THOC5: variants seen among roughly 807,000 people sequenced by gnomAD.
THOC5 encodes the protein Fms-interacting protein.
A neutral mutation model predicts 92.9 loss-of-function variants in THOC5; 43 were observed. The ratio of observed to expected loss-of-function variants is 0.46; its 90% CI spans 0.36 to 0.60. The LOEUF is 0.60. Among genes scored for constraint, THOC5 ranks in the 20% least tolerant of loss-of-function variants. THOC5 has a pLI of 0.00. For missense variants in THOC5, 659 were observed against 849.4 expected, an observed-to-expected ratio of 0.78 and a Z score of 2.79; for synonymous variants, 296 against 320.1, an observed-to-expected ratio of 0.92 and a Z score of 0.80.
chr22:29,552,736 G>C (rs1292280096), intron 1 of THOC5, among the ~76,000 whole-genome samples: 11 of 152,190 alleles, frequency 7.2e-5, no homozygotes, highest in Admixed American at 1.3e-4. Flanking sequence ...CCGTCTGGGA[G>C]GTGTACCCAA....
At chr22:29,517,234 T>G in intron 16 of THOC5, 29 bp downstream of exon 16, 1 of 1,609,634 alleles carries the variant, frequency 6.2e-7, no homozygotes, top group Non-Finnish European at 8.5e-7. Context: ...CTCAGGACAG[T>G]AAGGGTAACT....
At chr22:29,544,654 G>T in intron 2 of THOC5, 51 bp from the exon 3 acceptor site, 1 of 1,476,796 alleles carries the variant, frequency 6.8e-7, no homozygotes. Context: ...AAGTCTCCCT[G>T]CTGGGATCAG....
chr22:29,542,936 G>C lies in THOC5; in HGVS notation c.375C>G (p.Ala125=), dbSNP rs2063929624. 6.2e-7 allele frequency: 1 copy of C among 1,612,604 alleles called. No individual in the cohort carries two copies. Among genetic ancestry groups the C allele is most frequent in the Non-Finnish European group, 8.5e-7 (1 of 1,179,276 alleles). Residue 125 remains alanine, a synonymous_variant, in exon 5 of 20, where the codon GCC becomes GCG. Coordinates refer to ENST00000490103, the MANE Select transcript of THOC5 (RefSeq NM_003678.5). The part of the protein sequence containing the change: ...QTHEAKQKVD[A]YHLQLQNLLY... The stretch of plus-strand genomic sequence containing the variant: ...ACAGGTTCTGGAGCTGCAGATGATA[G>C]GCATCTACTTTCTGCTTAGCCTGAA...
At position 29,544,391 on chromosome 22, in the gene THOC5, G is replaced by C. The variant is rs2063968461; in HGVS notation, c.240+69C>G. The C allele has an allele frequency of 2.0e-6, 3 of 1,526,138 alleles. No homozygotes were observed. The African/African-American group carries it at 4.1e-5, about 21-fold the overall frequency. 94.5% of individuals were successfully genotyped at this position (1,526,138 alleles called of 1,614,324 possible). ...GAAGATCAAGATCAGGAAGGGCCCTGGTAGGTGCAAAAACAGCCTCATCTA... is the reference window on the plus strand; with the variant it reads ...GAAGATCAAGATCAGGAAGGGCCCTCGTAGGTGCAAAAACAGCCTCATCTA... On this transcript the variant is annotated intron_variant, in intron 3 of 19. Coordinates refer to ENST00000490103, the MANE Select transcript of THOC5 (RefSeq NM_003678.5).
intron 2 of THOC5, among the ~76,000 whole-genome samples, chr22:29,548,030 C>A (rs920502171): frequency 2.0e-5 from 3 of 152,178 alleles, no homozygotes; most frequent in Admixed American, 6.5e-5. Context: ...AAAGCAGAAA[C>A]CCCTGATGAG....
chr22:29,510,977 C>G, intron 19 of THOC5, 129 bp downstream of exon 19: 1 of 960,350 alleles, frequency 1.0e-6, no homozygotes, highest in Admixed American at 2.3e-5. Context: ...ACAGGTGGAC[C>G]AGAGTGATAG....
intron 2 of THOC5, among the ~76,000 whole-genome samples, chr22:29,546,407 G>A (rs1012022439): frequency 1.8e-4 from 7 of 39,816 alleles, no homozygotes; most frequent in African/African-American, 2.3e-4. Flanking sequence ...GCAAAAAATG[G>A]GTTTTTCTTT....
At chr22:29,516,940 A>G in intron 17 of THOC5, 89 bp downstream of exon 17, 1 of 1,281,960 alleles carries the variant, frequency 7.8e-7, no homozygotes, top group South Asian at 1.2e-5. Flanking sequence ...GCAGGACTCC[A>G]GGATCTTCTG....
chr22:29,532,848 C>T (rs1156356993), intron 7 of THOC5, among the ~76,000 whole-genome samples: 3 of 151,080 alleles, frequency 2.0e-5, no homozygotes, highest in East Asian at 1.9e-4. Flanking sequence ...TGTGGGGGCA[C>T]GCACCTGTAA....
At chr22:29,543,115 G>T (rs1030570935) in intron 4 of THOC5, among the ~76,000 whole-genome samples, 159 bp from the exon 5 acceptor site, 1 of 151,728 alleles carries the variant, frequency 6.6e-6, no homozygotes, top group Non-Finnish European at 1.5e-5. Flanking sequence ...AGGCCGAGGC[G>T]AGTGGATCAC....
At chr22:29,535,080 A>G (rs917351725) in intron 7 of THOC5, 5 of 151,922 alleles carry the variant, frequency 3.3e-5, no homozygotes, top group African/African-American at 7.3e-5. Flanking sequence ...CCTGGCCAAC[A>G]TGATGAAACC....
chr22:29,510,540 AG>A, intron 19 of THOC5, among the ~76,000 whole-genome samples: 1 of 152,142 alleles, frequency 6.6e-6, no homozygotes, highest in Non-Finnish European at 1.5e-5. Context: ...CAAGACTGCA[AG>A]GCTACAGTGG....
At chr22:29,540,614 T>C (rs1206173276) in intron 5 of THOC5, among the ~76,000 whole-genome samples, 3 of 152,248 alleles carry the variant, frequency 2.0e-5, no homozygotes, top group Non-Finnish European at 4.4e-5. Flanking sequence ...TCTGGGTTTG[T>C]CAGTTTCCAT....
At chr22:29,552,070 G>C (rs2064163761) in intron 1 of THOC5, among the ~76,000 whole-genome samples, 1 of 152,216 alleles carries the variant, frequency 6.6e-6, no homozygotes, top group South Asian at 2.1e-4. Flanking sequence ...TGCAGACGGA[G>C]TCTCGTTCAC....
At chr22:29,521,219 A>G in intron 12 of THOC5, 120 bp from the exon 13 acceptor site, 1 of 738,916 alleles carries the variant, frequency 1.4e-6, no homozygotes. Flanking sequence ...CCATTTATTG[A>G]AGGCTTTCTG....
chr22:29,518,951 G>C, intron 15 of THOC5, 55 bp downstream of exon 15: 1 of 1,107,824 alleles, frequency 9.0e-7, no homozygotes, highest in Middle Eastern at 2.1e-4. Flanking sequence ...CTAAGTTGTT[G>C]TTGTCCGTGT....
chr22:29,542,799 A>G (rs983637520), intron 5 of THOC5, 60 bp downstream of exon 5: 5 of 1,156,980 alleles, frequency 4.3e-6, no homozygotes, highest in South Asian at 2.6e-5. Flanking sequence ...AGTGAGCTAC[A>G]TGGGAAAAAG....
At chr22:29,534,699 A>C (rs1179756401) in intron 7 of THOC5, 1 of 152,224 alleles carries the variant, frequency 6.6e-6, no homozygotes, top group Non-Finnish European at 1.5e-5. Context: ...TCACGCCTGT[A>C]ATCCCAGCAC....
rs1235239045 is a variant in THOC5 at position 29,531,857 on chromosome 22, T to C, written c.821A>G (p.Gln274Arg). The C allele has an allele frequency of 1.2e-6, 2 of 1,614,160 alleles. No homozygotes were observed. The highest frequency in any genetic ancestry group is 1.7e-6 in the Non-Finnish European group (2 of 1,180,010). Reference protein sequence around the residue: ...LPPPLYVLFVQATAYGQACDK... With the variant: ...LPPPLYVLFVRATAYGQACDK... Reference sequence around the variant, plus strand: ...ACAGGCCTGCCCATACGCAGTGGCCTGAACAAAGAGGACATAGAGGGGAGG... The same window carrying C: ...ACAGGCCTGCCCATACGCAGTGGCCCGAACAAAGAGGACATAGAGGGGAGG... Residue 274 changes from glutamine (Q) to arginine (R), a missense_variant, in exon 8 of 20, where the codon CAG becomes CGG. By Grantham distance (43) the Gln-to-Arg change is conservative. Coordinates refer to ENST00000490103, the MANE Select transcript of THOC5 (RefSeq NM_003678.5).
Sources: allele counts gnomAD v4.1 joint callset (sites outside exome capture counted in the v4.1 genomes callset), GRCh38; gene constraint gnomAD v4.1.1; transcripts MANE v1.5; gene names NCBI Gene and HGNC (gene_info 2026-07-23, HGNC 2026-07-21).